COL1A1: variants seen among roughly 807,000 people sequenced by gnomAD.
COL1A1 encodes the protein collagen alpha-1(I) chain.
COL1A1 carries 21 observed loss-of-function variants against 195.7 expected under a neutral mutation model. That is an observed-to-expected ratio of 0.11 (90% confidence interval 0.08 to 0.15). The LOEUF is 0.15. Among genes scored for constraint, COL1A1 ranks in the 10% least tolerant of loss-of-function variants. The pLI is 1.00. For missense variants in COL1A1, 1,365 were observed against 2,051.0 expected (o/e 0.67, Z 6.46); for synonymous variants, 749 against 747.3 (o/e 1.00, Z -0.04).
In COL1A1 at chr17:50,194,305, T is replaced by C. The variant is rs769363726; in HGVS notation, c.1614+44A>G. The C allele has an allele frequency of 1.2e-6, 2 of 1,607,806 alleles. No homozygotes were observed. The highest frequency in any genetic ancestry group is 2.2e-5 in the East Asian group (1 of 44,834). On this transcript the variant is annotated intron_variant, in intron 23 of 50. Transcript: ENST00000225964. This position sits in a 1 kb window ranked among gnomAD's most constrained non-coding sequence, Gnocchi z 6.8. ...GCCTCATCCCAGACCCTACACGGGA[T>C]GGTCAGGGCCTGGCCAAGCCAGGCT...
rs1203106659 is a variant in COL1A1 at position 50,186,505 on chromosome 17, C to T, written c.3817G>A (p.Glu1273Lys). Residue 1273 changes from glutamate to lysine, a missense_variant and splice_region_variant, in exon 49 of 51, where the codon GAG becomes AAG. Physicochemically the swap from Glu to Lys is moderately conservative, Grantham distance 56. Around this residue, in one of 5 missense-constraint regions of COL1A1, gnomAD observed 273 missense variants for 338.6 expected, o/e 0.81. Transcript: ENST00000225964. The surrounding 1 kb of genome is among the most constrained non-coding windows in gnomAD (Gnocchi z 5.3). ...KMCHSDWKSG[E>K]YWIDPNQGCN... is the part of the protein sequence containing the mutation. ...CCTTGGTTGGGGTCAATCCAGTACT[C>T]TCCTGTGGTAGGGCAGGGCAAGATG... 1 of 1,614,156 alleles carries T rather than the reference C, an allele frequency of 6.2e-7. No individual in the cohort carries two copies. The highest frequency in any genetic ancestry group is 1.1e-5 in the South Asian group (1 of 91,078).
rs1321926542 is a variant in COL1A1, at chr17:50,185,156, T to C, written c.*346A>G. 3 of 334,264 alleles carry C rather than the reference T, an allele frequency of 9.0e-6. No individual in the cohort carries two copies. The highest frequency in any genetic ancestry group is 5.0e-5 in the East Asian group (1 of 19,864). The allele number at this position is 334,264 out of a possible 1,614,324, so 20.7% of individuals were successfully genotyped here. On this transcript the variant is annotated 3_prime_UTR_variant, in exon 51 of 51. Coordinates refer to ENST00000225964, the MANE Select transcript of COL1A1 (RefSeq NM_000088.4). ...GGAGAAAGGAGCAGAAAGGGCAGCATTGGGGTTTCATAAGCCCAACGGGCA... is the reference window on the plus strand; with the variant it reads ...GGAGAAAGGAGCAGAAAGGGCAGCACTGGGGTTTCATAAGCCCAACGGGCA...
chr17:50,190,439 G>A lies in COL1A1; in HGVS notation c.2398-59C>T, dbSNP rs182179260. 1,547 of 1,572,506 alleles carry A rather than the reference G, an allele frequency of 9.8e-4. 3 individuals are homozygous for A. The highest frequency in any genetic ancestry group is 8.4e-4 in the Non-Finnish European group (959 of 1,142,134). On this transcript the variant is annotated intron_variant, in intron 34 of 50. Transcript: ENST00000225964. This position sits in a 1 kb window ranked among gnomAD's most constrained non-coding sequence, Gnocchi z 4.7. The stretch of plus-strand genomic sequence containing the variant: ...CTGACAGGAGGGAAGGCGGGGATGC[G>A]GTGAGGGGAGAGGCAAGGGGTGAAG...
rs72645362 is a variant in COL1A1 at position 50,195,934 on chromosome 17, C to T, written c.1045G>A (p.Val349Ile). ...PAGPPGFPGA[V>I]GAKGEAGPQG... Reference sequence around the variant, plus strand: ...GTGGGGGGTCTCACCTTAGCACCAACAGCACCAGGGAAGCCAGGAGGACCA... The same window carrying T: ...GTGGGGGGTCTCACCTTAGCACCAATAGCACCAGGGAAGCCAGGAGGACCA... Residue 349 changes from valine (V) to isoleucine (I), a missense_variant, in exon 16 of 51, where the codon GTT (valine) becomes ATT (isoleucine). Val to Ile is a conservative substitution (Grantham distance 29). Coordinates refer to ENST00000225964, the MANE Select transcript of COL1A1 (RefSeq NM_000088.4). This position sits in a 1 kb window ranked among gnomAD's most constrained non-coding sequence, Gnocchi z 4.3. 6.3e-7 allele frequency: 1 copy of T among 1,587,528 alleles called. No individual in the cohort carries two copies. The highest frequency in any genetic ancestry group is 8.6e-7 in the Non-Finnish European group (1 of 1,166,422).
At chr17:50,201,258 C>T (rs1908070306) in intron 1 of COL1A1, among the ~76,000 whole-genome samples, 153 bp downstream of exon 1, 1 of 152,222 alleles carries the variant, frequency 6.6e-6, no homozygotes, top group Admixed American at 6.5e-5. Context: ...TGAGCTCCCT[C>T]CTGTCTCAGG....
chr17:50,189,874 G>C lies in COL1A1; in HGVS notation c.2598C>G (p.Gly866=), dbSNP rs1388778878. The change falls in exon 37 of 51, where the codon GGC becomes GGG. Residue 866 remains glycine (G), a synonymous_variant. Transcript: ENST00000225964. This position sits in a 1 kb window ranked among gnomAD's most constrained non-coding sequence, Gnocchi z 5.5. ...TGATACTCACAGGGGGACCAGCGCT[G>C]CCGCGAGCACCTTTGGCTCCAGGAG... ...VGAPGAKGAR[G]SAGPPGATGF... 1 of 1,609,648 alleles carries C rather than the reference G, an allele frequency of 6.2e-7. No homozygotes were observed. The highest frequency in any genetic ancestry group is 1.7e-5 in the Admixed American group (1 of 59,236).
chr17:50,196,003 AGAAG>A (rs773177409), intron 15 of COL1A1, 27 bp from the exon 16 acceptor site: 235 of 1,597,640 alleles, frequency 1.5e-4, no homozygotes, highest in Non-Finnish European at 1.9e-4. Flanking sequence ...GATGTCAGCG[AGAAG>A]GAAGAGATGG....
In COL1A1 at chr17:50,193,962, G is replaced by C. The variant is rs1401682206; in HGVS notation, c.1748C>G (p.Pro583Arg). The C allele has an allele frequency of 3.1e-6, 5 of 1,614,126 alleles. No individual in the cohort carries two copies. The highest frequency in any genetic ancestry group is 3.3e-5 in the Admixed American group (2 of 60,018). Residue 583 changes from proline to arginine, a missense_variant, in exon 25 of 51, where the codon CCT becomes CGT. By Grantham distance (103) the Pro-to-Arg change is moderately radical. Around this residue, in one of 5 missense-constraint regions of COL1A1, gnomAD observed 671 missense variants for 1,099.9 expected, o/e 0.61. Coordinates refer to ENST00000225964, the MANE Select transcript of COL1A1 (RefSeq NM_000088.4). ...ARGQAGVMGF[P>R]GPKGAAGEPG... is the part of the protein sequence containing the mutation. ...ACTCACAGCAGCACCTTTAGGTCCA[G>C]GGAATCCCATCACACCAGCCTGACC...
chr17:50,190,617 G>A lies in COL1A1; in HGVS notation c.2344-21C>T. Reference sequence around the variant, plus strand: ...TCACCCTGAGAGCAAGGGACAAGAGGCTCAGGGTCAGGGCCTCCCCTGAAT... The same window carrying A: ...TCACCCTGAGAGCAAGGGACAAGAGACTCAGGGTCAGGGCCTCCCCTGAAT... On this transcript the variant is annotated intron_variant, in intron 33 of 50. Coordinates refer to ENST00000225964, the MANE Select transcript of COL1A1 (RefSeq NM_000088.4). This position sits in a 1 kb window ranked among gnomAD's most constrained non-coding sequence, Gnocchi z 4.7. The A allele has an allele frequency of 6.2e-7, 1 of 1,612,330 alleles. No individual in the cohort carries two copies.
chr17:50,194,767 C>T lies in COL1A1; in HGVS notation c.1415G>A (p.Arg472Gln), dbSNP rs1362175682. The T allele has an allele frequency of 4.4e-6, 7 of 1,573,836 alleles. No homozygotes were observed. Among genetic ancestry groups the T allele is most frequent in the East Asian group, 2.4e-5 (1 of 42,144 alleles). ...CAGGCCAGTGGGTCCGGGTTCACCT[C>T]GAGCTCCTCGCTTTCCTTCCTCTCC... is the stretch of plus-strand genomic sequence containing the variant. ...PAGEEGKRGA[R>Q]GEPGPTGLPG... Residue 472 changes from arginine (R) to glutamine (Q), a missense_variant, in exon 21 of 51, where the codon CGA (arginine) becomes CAA (glutamine). Arg to Gln is a conservative substitution (Grantham distance 43). Around this residue, in one of 5 missense-constraint regions of COL1A1, gnomAD observed 671 missense variants for 1,099.9 expected, o/e 0.61. Transcript: ENST00000225964. This position sits in a 1 kb window ranked among gnomAD's most constrained non-coding sequence, Gnocchi z 6.8.
At position 50,198,357 on chromosome 17, in the gene COL1A1, A is replaced by G. The variant is rs1312494559; in HGVS notation, c.543+76T>C. On this transcript the variant is annotated intron_variant, in intron 6 of 50. Coordinates refer to ENST00000225964, the MANE Select transcript of COL1A1 (RefSeq NM_000088.4). ...GTGATCTGGACCTCCCAAGCTGTCT[A>G]TACCAGCCGCCTATGCCCACCTCCT... is the stretch of plus-strand genomic sequence containing the variant. 7.7e-6 allele frequency: 12 copies of G among 1,566,570 alleles called. No individual in the cohort carries two copies. In the Admixed American group the frequency reaches 1.6e-4, roughly 20 times the overall value.
At chr17:50,187,831 C>G (rs748441255) in intron 45 of COL1A1, 45 bp downstream of exon 45, 3 of 1,502,750 alleles carry the variant, frequency 2.0e-6, no homozygotes, top group Non-Finnish European at 2.7e-6. Flanking sequence ...CCCCTCCTAT[C>G]CCACAGCACA....
chr17:50,192,222 G>T, intron 29 of COL1A1, 198 bp from the exon 30 acceptor site: 1 of 727,572 alleles, frequency 1.4e-6, no homozygotes, highest in Non-Finnish European at 2.3e-6. Flanking sequence ...CCCAAACTAT[G>T]GACCAAGATT....
chr17:50,187,399 A>AAAGGGTGCCTGGGTCCCTGGC, intron 46 of COL1A1, 85 bp downstream of exon 46: 1 of 1,397,250 alleles, frequency 7.2e-7, no homozygotes, highest in Non-Finnish European at 1.0e-6. Flanking sequence ...CCAGAGAGGC[A>AAAGGGTGCCTGGGTCCCTGGC]AAGGGTGCCT....
rs907877806 is a variant in COL1A1, at chr17:50,195,828, T to A, written c.1056+95A>T. 1 of 1,467,182 alleles carries A rather than the reference T, an allele frequency of 6.8e-7. No individual in the cohort carries two copies. The highest frequency in any genetic ancestry group is 1.4e-5 in the African/African-American group (1 of 71,264). 90.9% of individuals were successfully genotyped at this position (1,467,182 alleles called of 1,614,324 possible). On this transcript the variant is annotated intron_variant, in intron 16 of 50. Transcript: ENST00000225964. This position sits in a 1 kb window ranked among gnomAD's most constrained non-coding sequence, Gnocchi z 4.3. ...AAAGGTGTTAGTGAACGGGCTGCTC[T>A]CTTGCCACTCTGGGTCCCTTTGGTT...
intron 1 of COL1A1, among the ~76,000 whole-genome samples, chr17:50,200,783 G>C (rs973603248): frequency 6.6e-6 from 1 of 152,176 alleles, no homozygotes; most frequent in Non-Finnish European, 1.5e-5. Context: ...TCCAGATCTA[G>C]AGGTGGGGGT....
rs1567759755 is a variant in COL1A1, at chr17:50,194,478, G to GT, written c.1516-32_1516-31insA. The GT allele has an allele frequency of 6.2e-7, 1 of 1,613,562 alleles. No individual in the cohort carries two copies. The highest frequency in any genetic ancestry group is 2.2e-5 in the East Asian group (1 of 44,870). On this transcript the variant is annotated intron_variant, in intron 22 of 50. Transcript: ENST00000225964. This position sits in a 1 kb window ranked among gnomAD's most constrained non-coding sequence, Gnocchi z 6.8. ...TGGGGGAAGTCACAGGAACAGTTAGGGTCTCAAGTTTGTGGCTCTTTGCCA... is the reference window on the plus strand; with the variant it reads ...TGGGGGAAGTCACAGGAACAGTTAGGTGTCTCAAGTTTGTGGCTCTTTGCCA...
intron 25 of COL1A1, 193 bp downstream of exon 25, chr17:50,193,750 G>C: frequency 1.6e-6 from 1 of 633,014 alleles, no homozygotes; most frequent in Non-Finnish European, 2.9e-6. Context: ...CAAAGTGCTG[G>C]GATTACAGGC....
Position 50,196,506 on chromosome 17 carries a change from T to C in COL1A1, c.881A>G (p.Glu294Gly), listed in dbSNP as rs1319290335. The change falls in exon 13 of 51, where the codon GAA becomes GGA. Residue 294 changes from glutamate (E) to glycine (G), a missense_variant. This residue lies in a region of COL1A1 where 226 missense variants were observed against 372.9 expected (regional missense o/e 0.61). Coordinates refer to ENST00000225964, the MANE Select transcript of COL1A1 (RefSeq NM_000088.4). ...GPKGEPGSPG[E>G]NGAPGQMGPR... ...CACCATCTGACCAGGAGCTCCATTTTCACCAGGGCTGCCAGGCTCACCCTG... is the reference window on the plus strand; with the variant it reads ...CACCATCTGACCAGGAGCTCCATTTCCACCAGGGCTGCCAGGCTCACCCTG... 1 of 1,614,036 alleles carries C rather than the reference T, an allele frequency of 6.2e-7. No homozygotes were observed. Among genetic ancestry groups the C allele is most frequent in the Non-Finnish European group, 8.5e-7 (1 of 1,180,042 alleles).
Sources: gnomAD v4.1 joint callset for allele counts (sites outside exome capture counted in the v4.1 genomes callset) on GRCh38, gnomAD v4.1.1 for gene constraint, gnomAD v4.1.1 regional missense constraint, Gnocchi (gnomAD v3.1) non-coding constraint, MANE v1.5 for transcripts, NCBI Gene and HGNC (gene_info 2026-07-23, HGNC 2026-07-21) for gene names.